The following SPHK2 variants were observed in gnomAD, a reference collection of about 807,000 sequenced individuals.
SPHK2 encodes sphingosine kinase 2.
Under a neutral mutation model 32.3 loss-of-function variants are expected in SPHK2, and 18 were observed. The ratio of observed to expected loss-of-function variants is 0.56; its 90% CI spans 0.39 to 0.83. SPHK2 has a LOEUF of 0.83. Ranked by LOEUF, SPHK2 falls within the 40% of genes least tolerant of loss-of-function variation. SPHK2 has a pLI of 0.00. For missense variants in SPHK2, 850 were observed against 908.7 expected (o/e 0.94, Z 0.83); for synonymous variants, 462 against 417.6 (o/e 1.11, Z -1.30).
chr19:48,624,390 T>A (rs1037082769), intron 2 of SPHK2: 1 of 152,410 alleles, frequency 6.6e-6, no homozygotes, highest in Admixed American at 6.5e-5. Context: ...TGGGGGCTGT[T>A]GGTGCTGACT....
Position 48,629,872 on chromosome 19 carries a change from C to G in SPHK2, c.*99C>G. On this transcript the variant is annotated 3_prime_UTR_variant, in exon 7 of 7. Transcript: ENST00000245222. ...GGCCTGGCTGCTAGAGTTGTGGTGG[C>G]AGGGGCCCTGGCCCCGTCTCAGGAT... 6.8e-7 allele frequency: 1 copy of G among 1,463,666 alleles called. No individual in the cohort carries two copies. The allele number at this position is 1,463,666 out of a possible 1,614,324, so 90.7% of individuals were successfully genotyped here.
At chr19:48,625,189 C>T (rs1974557858) in intron 2 of SPHK2, 3 of 1,025,374 alleles carry the variant, frequency 2.9e-6, no homozygotes, top group Non-Finnish European at 3.5e-6. Context: ...GTCTCCATGC[C>T]TGCCTCGTAC....
intron 2 of SPHK2, among the ~76,000 whole-genome samples, chr19:48,623,000 T>A (rs899857129): frequency 7.3e-5 from 11 of 151,184 alleles, no homozygotes; most frequent in Non-Finnish European, 1.3e-4. Context: ...ATCCCAGCAC[T>A]TTGGGAGGCT....
At position 48,628,716 on chromosome 19, in the gene SPHK2, A is replaced by G; in HGVS notation, c.908A>G (p.Asn303Ser). Residue 303 changes from asparagine (N) to serine (S), a missense_variant, in exon 7 of 7, where the codon AAC (asparagine) becomes AGC (serine). Transcript: ENST00000245222. The surrounding 1 kb of genome is among the most constrained non-coding windows in gnomAD (Gnocchi z 5.2). ...GCCCTGGGCCTCGACCTGTTGCTCA[A>G]CTGCTCACTGTTGCTGTGCCGGGGT... ...EPALGLDLLLNCSLLLCRGGG... is the reference protein window; with the variant it reads ...EPALGLDLLLSCSLLLCRGGG... 1.2e-6 allele frequency: 2 copies of G among 1,612,734 alleles called. No homozygotes were observed. Among genetic ancestry groups the G allele is most frequent in the Non-Finnish European group, 1.7e-6 (2 of 1,179,996 alleles).
In SPHK2 at chr19:48,627,999, T is replaced by C; in HGVS notation, c.686T>C (p.Leu229Pro). 6.3e-7 allele frequency: 1 copy of C among 1,590,552 alleles called. No individual in the cohort carries two copies. The highest frequency in any genetic ancestry group is 1.1e-5 in the South Asian group (1 of 89,222). ...GAACGACAGAACCACGCCCGGGAGC[T>C]GGTCCAGGGGCTGAGCCTGAGTGAG... ...QTERQNHARELVQGLSLSEWD... is the reference protein window; with the variant it reads ...QTERQNHAREPVQGLSLSEWD... The change falls in exon 5 of 7, where the codon CTG becomes CCG. Residue 229 changes from leucine to proline, a missense_variant. Physicochemically the swap from Leu to Pro is moderately conservative, Grantham distance 98 (BLOSUM62 -3). This residue lies in a region of SPHK2 where 544 missense variants were observed against 640.0 expected (regional missense o/e 0.85). Transcript: ENST00000245222.
chr19:48,625,226 C>CT (rs1202750850), intron 2 of SPHK2: 20 of 1,059,374 alleles, frequency 1.9e-5, no homozygotes, highest in Non-Finnish European at 2.1e-5. Flanking sequence ...CCCTTCCACT[C>CT]TGTCTTGCCT....
intron 2 of SPHK2, among the ~76,000 whole-genome samples, chr19:48,621,494 A>G (rs1374091424): frequency 6.6e-6 from 1 of 152,198 alleles, no homozygotes; most frequent in Non-Finnish European, 1.5e-5. Flanking sequence ...GCTTACAGGC[A>G]TGAGCCACCG....
chr19:48,629,845 G>A lies in SPHK2; in HGVS notation c.*72G>A. 2 of 1,490,734 alleles carry A rather than the reference G, an allele frequency of 1.3e-6. No homozygotes were observed. The highest frequency in any genetic ancestry group is 1.4e-5 in the South Asian group (1 of 73,020). 92.3% of individuals were successfully genotyped at this position (1,490,734 alleles called of 1,614,324 possible). A position where few individuals can be genotyped will look rare whatever the true frequency, so the allele number is the denominator to read the frequency against. On this transcript the variant is annotated 3_prime_UTR_variant, in exon 7 of 7. Transcript: ENST00000245222. ...TGGGGCGGAGCCTGAGCTAGGGGGT[G>A]TGGCCTGGCTGCTAGAGTTGTGGTG...
At chr19:48,621,680 AAG>A (rs1974410771) in intron 2 of SPHK2, among the ~76,000 whole-genome samples, 1 of 152,126 alleles carries the variant, frequency 6.6e-6, no homozygotes, top group African/African-American at 2.4e-5. Flanking sequence ...GCACCGAACA[AAG>A]AGTCAAGTTA....
chr19:48,628,874 G>A lies in SPHK2; in HGVS notation c.1066G>A (p.Ala356Thr). The A allele has an allele frequency of 4.3e-6, 7 of 1,613,666 alleles. No individual in the cohort carries two copies. Among genetic ancestry groups the A allele is most frequent in the Non-Finnish European group, 5.9e-6 (7 of 1,180,014 alleles). Residue 356 changes from alanine to threonine, a missense_variant, in exon 7 of 7, where the codon GCC becomes ACC. Physicochemically the swap from Ala to Thr is moderately conservative, Grantham distance 58. Coordinates refer to ENST00000245222, the MANE Select transcript of SPHK2 (RefSeq NM_020126.5). This position sits in a 1 kb window ranked among gnomAD's most constrained non-coding sequence, Gnocchi z 5.2. ...QSERFRALGS[A>T]RFTLGTVLGL... ...CGAGCGCTTCAGGGCCTTGGGCAGT[G>A]CCCGCTTCACACTGGGCACGGTGCT...
Position 48,626,356 on chromosome 19 carries a change from G to T in SPHK2, c.505G>T (p.Asp169Tyr). 1 of 1,582,184 alleles carries T rather than the reference G, an allele frequency of 6.3e-7. No homozygotes were observed. Among genetic ancestry groups the T allele is most frequent in the South Asian group, 1.1e-5 (1 of 88,590 alleles). ...CLLRGLPLPG[D>Y]GEITPDLLPR... ...GCTCCGAGGACTGCCACTGCCCGGGGATGGGGGTGAGGTGCTGGGCAGCTG... is the reference window on the plus strand; with the variant it reads ...GCTCCGAGGACTGCCACTGCCCGGGTATGGGGGTGAGGTGCTGGGCAGCTG... Residue 169 changes from aspartate (D) to tyrosine (Y), a missense_variant, in exon 3 of 7, where the codon GAT becomes TAT. This residue lies in a region of SPHK2 where 544 missense variants were observed against 640.0 expected (regional missense o/e 0.85). Transcript: ENST00000245222.
intron 2 of SPHK2, chr19:48,624,788 G>A: frequency 3.8e-6 from 2 of 519,782 alleles, no homozygotes; most frequent in Non-Finnish European, 4.9e-6. Context: ...GGCAGGTTTG[G>A]GGGTGAAGCA....
At position 48,628,259 on chromosome 19, in the gene SPHK2, C is replaced by G; in HGVS notation, c.854C>G (p.Ala285Gly). The G allele has an allele frequency of 2.5e-6, 4 of 1,613,420 alleles. No homozygotes were observed. Among genetic ancestry groups the G allele is most frequent in the Non-Finnish European group, 3.4e-6 (4 of 1,179,894 alleles). ...GGCTCGGGCAACGCGCTGGCCGGAGCAGTGAACCAGCACGGGGGGTAGGTT... is the reference window on the plus strand; with the variant it reads ...GGCTCGGGCAACGCGCTGGCCGGAGGAGTGAACCAGCACGGGGGGTAGGTT... Reference protein sequence around the residue: ...PCGSGNALAGAVNQHGGFEPA... With the variant: ...PCGSGNALAGGVNQHGGFEPA... Residue 285 changes from alanine (A) to glycine (G), a missense_variant, in exon 6 of 7, where the codon GCA becomes GGA. Ala to Gly is a moderately conservative substitution (Grantham distance 60). Coordinates refer to ENST00000245222, the MANE Select transcript of SPHK2 (RefSeq NM_020126.5). The surrounding 1 kb of genome is among the most constrained non-coding windows in gnomAD (Gnocchi z 5.2).
Position 48,628,342 on chromosome 19 carries a change from TC to T in SPHK2, c.872+68del. Reference sequence around the variant, plus strand: ...CTGGGGTGATAGGGACCCCTATATCTCCCACTCAGCCAAACCCACAGTCAGT... The same window carrying T: ...CTGGGGTGATAGGGACCCCTATATCTCCACTCAGCCAAACCCACAGTCAGT... On this transcript the variant is annotated intron_variant, in intron 6 of 6. Transcript: ENST00000245222. This position sits in a 1 kb window ranked among gnomAD's most constrained non-coding sequence, Gnocchi z 5.2. The T allele has an allele frequency of 7.0e-7, 1 of 1,434,106 alleles. No individual in the cohort carries two copies. Among genetic ancestry groups the T allele is most frequent in the East Asian group, 2.3e-5 (1 of 44,090 alleles). 88.8% of individuals were successfully genotyped at this position (1,434,106 alleles called of 1,614,324 possible).
In SPHK2 at chr19:48,630,226, C is replaced by T; in HGVS notation, c.*453C>T. On this transcript the variant is annotated 3_prime_UTR_variant, in exon 7 of 7. Transcript: ENST00000245222. The surrounding 1 kb of genome is among the most constrained non-coding windows in gnomAD (Gnocchi z 4.9). ...CGGTGCCTCCATTTAGCTGGCCAAT[C>T]AGCCCAGGAGGGGCAGGTTCCCCGG... The T allele has an allele frequency of 7.9e-7, 1 of 1,261,412 alleles. No homozygotes were observed. Among genetic ancestry groups the T allele is most frequent in the Non-Finnish European group, 1.0e-6 (1 of 1,003,026 alleles). The allele number at this position is 1,261,412 out of a possible 1,614,324, so 78.1% of individuals were successfully genotyped here. A position where few individuals can be genotyped will look rare whatever the true frequency, so the allele number is the denominator to read the frequency against.
rs375470352 is a variant in SPHK2 at position 48,620,486 on chromosome 19, G to A, written c.-29G>A. 3.9e-5 allele frequency: 62 copies of A among 1,609,758 alleles called. No homozygotes were observed. The highest frequency in any genetic ancestry group is 3.5e-5 in the Non-Finnish European group (41 of 1,177,724). On this transcript the variant is annotated 5_prime_UTR_variant, in exon 2 of 7. Coordinates refer to ENST00000245222, the MANE Select transcript of SPHK2 (RefSeq NM_020126.5). ...GCTTAAGACCCAGGGCCAGGGTCCCGTTGATGTAACAGAGCAGAGGACCAG... is the reference window on the plus strand; with the variant it reads ...GCTTAAGACCCAGGGCCAGGGTCCCATTGATGTAACAGAGCAGAGGACCAG...
intron 2 of SPHK2, 52 bp from the exon 3 acceptor site, chr19:48,625,839 C>T: frequency 6.3e-7 from 1 of 1,584,144 alleles, no homozygotes; most frequent in Non-Finnish European, 8.5e-7. Flanking sequence ...CCCCTCCCTG[C>T]CCCTGCCATG....
In SPHK2 at chr19:48,628,138, G is replaced by C. The variant is rs2030117991; in HGVS notation, c.757-24G>C. On this transcript the variant is annotated intron_variant, in intron 5 of 6. Coordinates refer to ENST00000245222, the MANE Select transcript of SPHK2 (RefSeq NM_020126.5). This position sits in a 1 kb window ranked among gnomAD's most constrained non-coding sequence, Gnocchi z 5.2. ...CTATAGAGACTGCCACCAGGACCCA[G>C]GCTTCTGGTCTCCCACCCTCCAGGT... is the stretch of plus-strand genomic sequence containing the variant. The C allele has an allele frequency of 6.2e-7, 1 of 1,605,900 alleles. No individual in the cohort carries two copies. Among genetic ancestry groups the C allele is most frequent in the Non-Finnish European group, 8.5e-7 (1 of 1,175,162 alleles).
chr19:48,628,162 G>A lies in SPHK2; in HGVS notation c.757G>A (p.Val253Met). The A allele has an allele frequency of 6.2e-7, 1 of 1,612,880 alleles. No individual in the cohort carries two copies. Among genetic ancestry groups the A allele is most frequent in the Non-Finnish European group, 8.5e-7 (1 of 1,179,396 alleles). Residue 253 changes from valine to methionine, a missense_variant and splice_region_variant, in exon 6 of 7, where the codon GTG (valine) becomes ATG (methionine). Coordinates refer to ENST00000245222, the MANE Select transcript of SPHK2 (RefSeq NM_020126.5). The surrounding 1 kb of genome is among the most constrained non-coding windows in gnomAD (Gnocchi z 5.2). ...TVSGDGLLHE[V>M]LNGLLDRPDW... ...AGGCTTCTGGTCTCCCACCCTCCAG[G>A]TGCTGAACGGGCTCCTAGATCGCCC...
Sources: allele counts gnomAD v4.1 joint callset (sites outside exome capture counted in the v4.1 genomes callset), GRCh38; gene constraint gnomAD v4.1.1; regional missense constraint gnomAD v4.1.1; non-coding constraint Gnocchi (gnomAD v3.1); transcripts MANE v1.5; gene names NCBI Gene and HGNC (gene_info 2026-07-23, HGNC 2026-07-21).